Variants in NRDC observed in about 807,000 individuals in gnomAD.
NRDC encodes nardilysin convertase, also known as nardilysin.
A neutral mutation model predicts 147.1 loss-of-function variants in NRDC; 54 were observed. The observed-to-expected ratio is 0.37, with a 90% confidence interval of 0.29 to 0.46. The LOEUF (loss-of-function observed/expected upper bound fraction) is 0.46. Among genes scored for constraint, NRDC ranks in the 20% least tolerant of loss-of-function variants. The pLI, the probability that NRDC is intolerant of heterozygous loss-of-function variation, is 1.00. For synonymous variants in NRDC, 440 were observed against 482.1 expected, an observed-to-expected ratio of 0.91 and a Z score of 1.14; for missense variants, 1,082 against 1,370.6, an observed-to-expected ratio of 0.79 and a Z score of 3.33.
At chr1:51,830,238 C>T (rs1200852653) in intron 4 of NRDC, among the ~76,000 whole-genome samples, 2 of 152,166 alleles carry the variant, frequency 1.3e-5, no homozygotes, top group Non-Finnish European at 2.9e-5. Context: ...GCTGAGATTA[C>T]AGGCATGAGC....
Position 51,789,672 on chromosome 1 carries a change from G to C in NRDC, c.3169-15C>G. 3 of 1,567,352 alleles carry C rather than the reference G, an allele frequency of 1.9e-6. No individual in the cohort carries two copies. The highest frequency in any genetic ancestry group is 2.6e-6 in the Non-Finnish European group (3 of 1,137,730). On this transcript the variant is annotated splice_polypyrimidine_tract_variant and intron_variant, in intron 29 of 30. Transcript: ENST00000352171. ...AGTGCTTCAATCTTACAAGGGAAGG[G>C]AAGATAGGAAAGAAATTCAAGAAGA...
chr1:51,857,818 A>T (rs1022068616), intron 1 of NRDC, among the ~76,000 whole-genome samples: 9 of 152,122 alleles, frequency 5.9e-5, no homozygotes, highest in Non-Finnish European at 1.3e-4. Flanking sequence ...ATTTGCAGAG[A>T]TTTTTGTGTT....
At chr1:51,843,385 A>C (rs1681370739) in intron 1 of NRDC, among the ~76,000 whole-genome samples, 1 of 151,738 alleles carries the variant, frequency 6.6e-6, no homozygotes, top group Non-Finnish European at 1.5e-5. Context: ...ACAACTTTAC[A>C]CCTGTATTGG....
At chr1:51,847,588 G>A (rs1041182149) in intron 1 of NRDC, among the ~76,000 whole-genome samples, 2 of 152,218 alleles carry the variant, frequency 1.3e-5, no homozygotes, top group African/African-American at 4.8e-5. Flanking sequence ...ACTGCTGGGT[G>A]ACCTGACGCA....
intron 11 of NRDC, 80 bp from the exon 12 acceptor site, chr1:51,814,893 G>T: frequency 7.4e-7 from 1 of 1,357,786 alleles, no homozygotes; most frequent in Non-Finnish European, 9.8e-7. Flanking sequence ...AAAATATAGA[G>T]GCTTTCTATG....
chr1:51,853,051 G>A (rs1682055210), intron 1 of NRDC, among the ~76,000 whole-genome samples: 3 of 151,840 alleles, frequency 2.0e-5, no homozygotes, highest in Admixed American at 2.0e-4. Flanking sequence ...GTGAAACCCT[G>A]TCTCTACTAA....
Position 51,878,485 on chromosome 1 carries a change from G to A in NRDC, c.131C>T (p.Pro44Leu), listed in dbSNP as rs138608728. The A allele has an allele frequency of 9.2e-4, 1,479 of 1,613,946 alleles. 19 individuals are homozygous for A. The African/African-American group carries it at 0.018, about 19-fold the overall frequency. The change falls in exon 1 of 31, where the codon CCC (proline) becomes CTC (leucine). Residue 44 changes from proline to leucine, a missense_variant. This residue lies in a region of NRDC where 260 missense variants were observed against 253.2 expected (regional missense o/e 1.03). Coordinates refer to ENST00000352171, the MANE Select transcript of NRDC (RefSeq NM_001101662.2). ...GRCEDSAAAR[P>L]FPILAMPGRN... ...TCCAGGCATGGCCAGAATAGGAAAG[G>A]GTCTGGCAGCAGCAGAGTCTTCGCA...
chr1:51,858,535 C>T (rs1282563471), intron 1 of NRDC, among the ~76,000 whole-genome samples: 1 of 149,926 alleles, frequency 6.7e-6, no homozygotes, highest in African/African-American at 2.5e-5. Flanking sequence ...ATAATTAAAT[C>T]TGCTAAACTT....
At chr1:51,800,020 G>A (rs112846540) in intron 21 of NRDC, among the ~76,000 whole-genome samples, 3 of 152,300 alleles carry the variant, frequency 2.0e-5, no homozygotes, top group African/African-American at 7.2e-5. Context: ...TGTCATGCAG[G>A]TTGGTGTGCG....
chr1:51,852,245 C>T (rs2124001450), intron 1 of NRDC, among the ~76,000 whole-genome samples: 1 of 151,770 alleles, frequency 6.6e-6, no homozygotes, highest in African/African-American at 2.4e-5. Flanking sequence ...AAGTCATAAC[C>T]CTGGCTAACG....
intron 17 of NRDC, among the ~76,000 whole-genome samples, chr1:51,807,254 T>C (rs1428603365): frequency 1.3e-5 from 2 of 152,240 alleles, no homozygotes; most frequent in African/African-American, 2.4e-5. Context: ...TTCATGAGAA[T>C]GCCTTTTACC....
rs1395587864 is a variant in NRDC at position 51,878,372 on chromosome 1, C to T, written c.244G>A (p.Gly82Arg). Reference protein sequence around the residue: ...LGENSRVARLGADESEEEGRR... With the variant: ...LGENSRVARLRADESEEEGRR... Reference sequence around the variant, plus strand: ...CCCTCTTCCTCAGATTCATCCGCTCCTAGACGGGCAACCCGGCTGTTCTCG... The same window carrying T: ...CCCTCTTCCTCAGATTCATCCGCTCTTAGACGGGCAACCCGGCTGTTCTCG... Residue 82 changes from glycine (G) to arginine (R), a missense_variant, in exon 1 of 31, where the codon GGA becomes AGA. Coordinates refer to ENST00000352171, the MANE Select transcript of NRDC (RefSeq NM_001101662.2). 5 of 1,614,194 alleles carry T rather than the reference C, an allele frequency of 3.1e-6. No homozygotes were observed. The highest frequency in any genetic ancestry group is 2.2e-5 in the East Asian group (1 of 44,876).
At chr1:51,875,167 A>G (rs145552911) in intron 1 of NRDC, among the ~76,000 whole-genome samples, 15 of 152,368 alleles carry the variant, frequency 9.8e-5, no homozygotes, top group African/African-American at 2.9e-4. Context: ...TTGAATTTGG[A>G]TAAGTCTTTA....
chr1:51,834,215 A>T lies in NRDC; in HGVS notation c.713-45T>A, dbSNP rs1680841094. ...AGTCACACAACACAAAGATATAGAA[A>T]ATATTTTTATCACACATGAACTTTC... On this transcript the variant is annotated intron_variant, in intron 3 of 30. Coordinates refer to ENST00000352171, the MANE Select transcript of NRDC (RefSeq NM_001101662.2). The T allele has an allele frequency of 3.1e-6, 5 of 1,591,706 alleles. No homozygotes were observed. The East Asian group carries it at 6.7e-5, about 21-fold the overall frequency.
chr1:51,835,058 T>TTTTG (rs376347305), intron 3 of NRDC, among the ~76,000 whole-genome samples: 1 of 152,092 alleles, frequency 6.6e-6, no homozygotes, highest in African/African-American at 2.4e-5. Context: ...CATAGAGTTT[T>TTTTG]TTTGTTTGTT....
chr1:51,853,409 G>A (rs1172521551), intron 1 of NRDC, among the ~76,000 whole-genome samples: 9 of 152,064 alleles, frequency 5.9e-5, no homozygotes, highest in Non-Finnish European at 1.2e-4. Context: ...AAACATGTCA[G>A]AAATCCCGTA....
intron 19 of NRDC, among the ~76,000 whole-genome samples, chr1:51,804,725 A>T (rs1345903767): frequency 6.6e-6 from 1 of 152,060 alleles, no homozygotes; most frequent in Admixed American, 6.6e-5. Context: ...TTTCCCAAGT[A>T]TCTCCTAGGT....
chr1:51,798,059 C>T (rs1679014937), intron 22 of NRDC, 190 bp downstream of exon 22: 1 of 534,454 alleles, frequency 1.9e-6, no homozygotes, highest in Non-Finnish European at 3.3e-6. Context: ...CGTGAGCCAT[C>T]ATTCCCAGCC....
chr1:51,838,675 A>G (rs1478290813), intron 2 of NRDC, among the ~76,000 whole-genome samples: 2 of 152,236 alleles, frequency 1.3e-5, no homozygotes, highest in Non-Finnish European at 2.9e-5. Context: ...AATCACGCAG[A>G]AAGAAAGGAA....
Sources: allele counts gnomAD v4.1 joint callset (sites outside exome capture counted in the v4.1 genomes callset), GRCh38; gene constraint gnomAD v4.1.1; regional missense constraint gnomAD v4.1.1; transcripts MANE v1.5; gene names NCBI Gene and HGNC (gene_info 2026-07-23, HGNC 2026-07-21).